The following DNTT variants were observed in gnomAD, a reference collection of about 807,000 sequenced individuals.
DNTT encodes the protein nucleosidetriphosphate:DNA deoxynucleotidylexotransferase.
Under a neutral mutation model 60.9 loss-of-function variants are expected in DNTT, and 47 were observed. The ratio of observed to expected loss-of-function variants is 0.77; its 90% confidence interval spans 0.61 to 0.98. DNTT has a LOEUF of 0.98. DNTT is among the 50% of genes least tolerant of loss of function. DNTT has a pLI of 0.00. For missense variants in DNTT, 665 were observed against 627.5 expected, an observed-to-expected ratio of 1.06 and a Z score of -0.64; for synonymous variants, 224 against 221.2, an observed-to-expected ratio of 1.01 and a Z score of -0.11.
chr10:96,328,211 G>C (rs1564873929), intron 7 of DNTT, among the ~76,000 whole-genome samples: 1 of 152,138 alleles, frequency 6.6e-6, no homozygotes, highest in South Asian at 2.1e-4. Context: ...TTTCAGAAAG[G>C]GATTTCTTTC....
In DNTT at chr10:96,322,990, G is replaced by A. The variant is rs11188713; in HGVS notation, c.750+262G>A. Among the ~76,000 whole-genome samples the A allele has an allele frequency of 6.5e-3, 989 of 152,310 alleles. 8 individuals carry two copies. Among genetic ancestry groups the A allele is most frequent in the African/African-American group, 0.022 (901 of 41,574 alleles). On this transcript the variant is annotated intron_variant, in intron 5 of 10. Coordinates refer to ENST00000371174, the MANE Select transcript of DNTT (RefSeq NM_004088.4). ...GGTGAGAGAGAGACAGAGAGAACAA[G>A]CAATCTTTCTGGTGTCACAAAGACA...
At chr10:96,312,178 C>T (rs1054513300) in intron 1 of DNTT, among the ~76,000 whole-genome samples, 3 of 152,102 alleles carry the variant, frequency 2.0e-5, no homozygotes, top group Non-Finnish European at 4.4e-5. Context: ...GCCAAAGGCT[C>T]GAGTGGGAGT....
At chr10:96,335,632 A>C (rs1845058283) in intron 9 of DNTT, among the ~76,000 whole-genome samples, 1 of 152,216 alleles carries the variant, frequency 6.6e-6, no homozygotes, top group Non-Finnish European at 1.5e-5. Context: ...CATTTGCTAT[A>C]CATCTTCTAC....
chr10:96,305,840 C>T (rs1844627392), intron 1 of DNTT, among the ~76,000 whole-genome samples: 1 of 152,168 alleles, frequency 6.6e-6, no homozygotes, highest in Admixed American at 6.6e-5. Context: ...TGCTAAAATG[C>T]CCCATTCAGA....
intron 3 of DNTT, among the ~76,000 whole-genome samples, chr10:96,320,018 A>G (rs1844847043): frequency 6.6e-6 from 1 of 152,228 alleles, no homozygotes; most frequent in Non-Finnish European, 1.5e-5. Context: ...GTAGATCAAT[A>G]CAGAGCTTCT....
chr10:96,325,788 A>G (rs1021832777), intron 6 of DNTT, among the ~76,000 whole-genome samples: 1 of 152,246 alleles, frequency 6.6e-6, no homozygotes. Flanking sequence ...CAATGGGAAT[A>G]GCTTAGAATA....
At chr10:96,330,878 G>A (rs1340566033) in intron 8 of DNTT, among the ~76,000 whole-genome samples, 2 of 152,068 alleles carry the variant, frequency 1.3e-5, no homozygotes, top group African/African-American at 4.8e-5. Flanking sequence ...TGATGATAGC[G>A]CTTTTAAACA....
chr10:96,309,465 T>TA lies in DNTT; in HGVS notation c.203+4779dup, dbSNP rs76142486. 5.9e-3 allele frequency among the ~76,000 whole-genome samples: 861 copies of TA among 145,418 alleles called. 5 individuals carry two copies. Among genetic ancestry groups the TA allele is most frequent in the Non-Finnish European group, 8.0e-3 (525 of 65,850 alleles). On this transcript the variant is annotated intron_variant, in intron 1 of 10. Coordinates refer to ENST00000371174, the MANE Select transcript of DNTT (RefSeq NM_004088.4). ...ATTCCAAGTTTGAACAAGTTTTCTTTAAAAAAAAAAAAAAGTTAGCATTTG... is the reference window on the plus strand; with the variant it reads ...ATTCCAAGTTTGAACAAGTTTTCTTTAAAAAAAAAAAAAAAGTTAGCATTTG...
intron 10 of DNTT, among the ~76,000 whole-genome samples, chr10:96,336,433 A>C (rs1054002650): frequency 6.6e-6 from 1 of 152,208 alleles, no homozygotes; most frequent in Non-Finnish European, 1.5e-5. Flanking sequence ...ATAAATGAGC[A>C]TCCAGCTAGT....
intron 10 of DNTT, among the ~76,000 whole-genome samples, 184 bp from the exon 11 acceptor site, chr10:96,337,954 A>T (rs567317532): frequency 6.6e-6 from 1 of 152,332 alleles, no homozygotes; most frequent in Non-Finnish European, 1.5e-5. Flanking sequence ...TTTTACTTTA[A>T]TTCATTTAGT....
intron 1 of DNTT, among the ~76,000 whole-genome samples, chr10:96,307,775 A>T (rs71494057): frequency 0.76 from 92,042 of 120,994 alleles, 35,326 homozygotes; most frequent in Non-Finnish European, 0.83. Flanking sequence ...ATATATATAT[A>T]TATTTTTTTT....
chr10:96,323,840 G>A (rs1453372073), intron 5 of DNTT, among the ~76,000 whole-genome samples: 2 of 152,186 alleles, frequency 1.3e-5, no homozygotes, highest in Non-Finnish European at 2.9e-5. Context: ...CTTCCCACCT[G>A]TATGATGGTG....
At chr10:96,317,782 C>T (rs1844804970) in intron 1 of DNTT, among the ~76,000 whole-genome samples, 1 of 152,184 alleles carries the variant, frequency 6.6e-6, no homozygotes, top group South Asian at 2.1e-4. Context: ...TTCCAGCCTC[C>T]AGAACTGTGA....
At position 96,322,034 on chromosome 10, in the gene DNTT, T is replaced by A. The variant is rs1844886551; in HGVS notation, c.679-623T>A. On this transcript the variant is annotated intron_variant, in intron 4 of 10. Transcript: ENST00000371174. ...ACCTGGGGGCGCCACCTTAGAGCAG[T>A]GGTGCGTTTGACATGAAGTGGAGGT... Among the ~76,000 whole-genome samples the A allele has an allele frequency of 5.3e-5, 8 of 152,162 alleles. No homozygotes were observed. In the South Asian group the frequency reaches 1.7e-3, roughly 32 times the overall value.
At chr10:96,323,322 T>C (rs1300800844) in intron 5 of DNTT, among the ~76,000 whole-genome samples, 1 of 151,940 alleles carries the variant, frequency 6.6e-6, no homozygotes, top group African/African-American at 2.4e-5. Flanking sequence ...AAAAAGACAC[T>C]AATCCCATCA....
chr10:96,314,538 G>A lies in DNTT; in HGVS notation c.204-3814G>A, dbSNP rs541623497. Among the ~76,000 whole-genome samples, 27 of 149,338 alleles carry A rather than the reference G, an allele frequency of 1.8e-4. 1 individual carries two copies. The highest frequency in any genetic ancestry group is 3.7e-4 in the Non-Finnish European group (25 of 67,588). On this transcript the variant is annotated intron_variant, in intron 1 of 10. Transcript: ENST00000371174. ...AGTGATTCTTCTGCCTCAGCCTCCCGAGTAGCTGGGACTACAGGCGCGTTC... is the reference window on the plus strand; with the variant it reads ...AGTGATTCTTCTGCCTCAGCCTCCCAAGTAGCTGGGACTACAGGCGCGTTC...
chr10:96,338,192 G>C lies in DNTT; in HGVS notation c.1498G>C (p.Asp500His). The C allele has an allele frequency of 6.2e-7, 1 of 1,613,358 alleles. No homozygotes were observed. The highest frequency in any genetic ancestry group is 8.5e-7 in the Non-Finnish European group (1 of 1,179,834). ...AGAAATTTTTGCGCATCTGGGATTG[G>C]ATTATATTGAACCGTGGGAAAGAAA... ...EEEIFAHLGL[D>H]YIEPWERNA The change falls in exon 11 of 11, where the codon GAT (aspartate) becomes CAT (histidine). Residue 500 changes from aspartate to histidine, a missense_variant. Transcript: ENST00000371174.
intron 9 of DNTT, among the ~76,000 whole-genome samples, chr10:96,333,823 G>A (rs1845035318): frequency 6.6e-6 from 1 of 152,154 alleles, no homozygotes; most frequent in Non-Finnish European, 1.5e-5. Context: ...CAGAGGCTGG[G>A]GGATGAGGAC....
Position 96,314,402 on chromosome 10 carries a change from C to CTTTTTTTTTTTTTTTTTTTTTTT in DNTT, c.204-3944_204-3922dup, listed in dbSNP as rs869059822. ...TAACATTTCCAAGGCTATCTCTTCC[C>CTTTTTTTTTTTTTTTTTTTTTTT]TTTTTTTTTTTTTTTTTTTTTTTTT... On this transcript the variant is annotated intron_variant, in intron 1 of 10. Transcript: ENST00000371174. Among the ~76,000 whole-genome samples the CTTTTTTTTTTTTTTTTTTTTTTT allele has an allele frequency of 1.2e-3, 65 of 53,218 alleles. 17 individuals carry two copies. Among genetic ancestry groups the CTTTTTTTTTTTTTTTTTTTTTTT allele is most frequent in the Non-Finnish European group, 2.0e-3 (50 of 25,336 alleles). The allele number at this position is 53,218 out of a possible 152,430, so 34.9% of individuals were successfully genotyped here.
Sources: allele counts gnomAD v4.1 joint callset (sites outside exome capture counted in the v4.1 genomes callset), GRCh38; gene constraint gnomAD v4.1.1; transcripts MANE v1.5; gene names NCBI Gene and HGNC (gene_info 2026-07-23, HGNC 2026-07-21).